The following TANC1 variants were observed in gnomAD, a reference collection of about 807,000 sequenced individuals.
The protein encoded by TANC1 is protein TANC1.
A neutral mutation model predicts 149.7 loss-of-function variants in TANC1; 77 were observed. That is an observed-to-expected ratio of 0.51 (90% CI 0.43 to 0.62). TANC1 has a LOEUF of 0.62. Among genes scored for constraint, TANC1 ranks in the 20% least tolerant of loss-of-function variants. The pLI, the probability that TANC1 is intolerant of heterozygous loss-of-function variation, is 0.00. For missense variants in TANC1, 1,985 were observed against 2,321.8 expected, an observed-to-expected ratio of 0.85 and a Z score of 2.98; for synonymous variants, 854 against 925.0, an observed-to-expected ratio of 0.92 and a Z score of 1.39.
rs1474580518 is a variant in TANC1, at chr2:159,232,453, A to C, written c.*1441A>C. 1.3e-5 allele frequency: 2 copies of C among 152,604 alleles called. No individual in the cohort carries two copies. The highest frequency in any genetic ancestry group is 2.9e-5 in the Non-Finnish European group (2 of 68,000). The allele number at this position is 152,604 out of a possible 1,614,324, so 9.5% of individuals were successfully genotyped here. A position where few individuals can be genotyped will look rare whatever the true frequency, so the allele number is the denominator to read the frequency against. On this transcript the variant is annotated 3_prime_UTR_variant, in exon 27 of 27. Coordinates refer to ENST00000263635, the MANE Select transcript of TANC1 (RefSeq NM_033394.3). ...GGTTTTGTACAAATAGGAACCTCTG[A>C]TGTCATTCTTCAACGTTTGTTCCTG...
intron 19 of TANC1, among the ~76,000 whole-genome samples, chr2:159,199,565 T>G (rs988541705): frequency 6.6e-6 from 1 of 152,244 alleles, no homozygotes; most frequent in East Asian, 1.9e-4. Context: ...TCATTTCCAT[T>G]GGTCTTTACA....
chr2:159,216,751 C>CT (rs1480599129), intron 19 of TANC1, among the ~76,000 whole-genome samples: 2 of 152,158 alleles, frequency 1.3e-5, no homozygotes, highest in African/African-American at 4.8e-5. Flanking sequence ...AGCGTGTTCA[C>CT]TTGGGCCCTC....
intron 4 of TANC1, among the ~76,000 whole-genome samples, chr2:159,135,447 C>A (rs1254453268): frequency 6.6e-6 from 1 of 152,270 alleles, no homozygotes; most frequent in African/African-American, 2.4e-5. Context: ...TGTAGTAACT[C>A]TGCACTTAAC....
chr2:158,971,826 C>G (rs1388611657), intron 1 of TANC1, among the ~76,000 whole-genome samples: 2 of 152,136 alleles, frequency 1.3e-5, no homozygotes, highest in Non-Finnish European at 2.9e-5. Context: ...TTGAATAAAC[C>G]AAGGCCTAGA....
intron 1 of TANC1, among the ~76,000 whole-genome samples, chr2:158,995,465 C>T (rs2036042924): frequency 6.6e-6 from 1 of 152,166 alleles, no homozygotes; most frequent in Non-Finnish European, 1.5e-5. Context: ...TTATCTGGTG[C>T]TAGAGGCTAA....
At chr2:159,143,112 A>G (rs377491243) in intron 5 of TANC1, among the ~76,000 whole-genome samples, 2 of 150,224 alleles carry the variant, frequency 1.3e-5, no homozygotes, top group African/African-American at 4.9e-5. Context: ...CAAAAAACCA[A>G]CTCTGACAGG....
intron 1 of TANC1, among the ~76,000 whole-genome samples, chr2:158,975,313 T>C (rs189591255): frequency 2.0e-5 from 3 of 152,238 alleles, no homozygotes; most frequent in Admixed American, 1.3e-4. Context: ...GGGGTGACTG[T>C]GCTTACTACT....
chr2:159,123,885 C>G (rs1329862061), intron 4 of TANC1, among the ~76,000 whole-genome samples: 1 of 152,146 alleles, frequency 6.6e-6, no homozygotes, highest in Non-Finnish European at 1.5e-5. Context: ...CGCCAGTCTC[C>G]CCTCGTGCCC....
chr2:159,070,714 G>A (rs1190521413), intron 3 of TANC1, among the ~76,000 whole-genome samples: 1 of 152,172 alleles, frequency 6.6e-6, no homozygotes, highest in Non-Finnish European at 1.5e-5. Context: ...CCGGAAGAGT[G>A]TGTTTGGACT....
chr2:159,068,248 C>G (rs1411360131), intron 3 of TANC1, among the ~76,000 whole-genome samples: 2 of 152,146 alleles, frequency 1.3e-5, no homozygotes, highest in Non-Finnish European at 2.9e-5. Flanking sequence ...TAAATCATAG[C>G]TAAGATTTTC....
At chr2:159,049,125 G>C (rs2149579724) in intron 2 of TANC1, among the ~76,000 whole-genome samples, 1 of 152,292 alleles carries the variant, frequency 6.6e-6, no homozygotes, top group South Asian at 2.1e-4. Flanking sequence ...TTTAGAGTGT[G>C]TCTAAGGAGA....
At chr2:158,993,513 C>T (rs1050001906) in intron 1 of TANC1, among the ~76,000 whole-genome samples, 1 of 152,042 alleles carries the variant, frequency 6.6e-6, no homozygotes, top group Non-Finnish European at 1.5e-5. Flanking sequence ...ATACCGTGCC[C>T]GCCTTTATTT....
chr2:159,072,633 A>C (rs2043253207), intron 3 of TANC1, among the ~76,000 whole-genome samples: 1 of 152,246 alleles, frequency 6.6e-6, no homozygotes, highest in Non-Finnish European at 1.5e-5. Context: ...CAAAACCCTT[A>C]AAAATATATA....
At chr2:159,044,733 G>A (rs148404567) in intron 2 of TANC1, among the ~76,000 whole-genome samples, 2 of 152,138 alleles carry the variant, frequency 1.3e-5, no homozygotes, top group South Asian at 2.1e-4. Flanking sequence ...ACACCGGCTC[G>A]CTTCTCCATG....
rs557366288 is a variant in TANC1, at chr2:159,128,784, T to TG, written c.260-7403dup. Among the ~76,000 whole-genome samples, 345 of 152,158 alleles carry TG rather than the reference T, an allele frequency of 2.3e-3. 4 individuals carry two copies. The highest frequency in any genetic ancestry group is 0.013 in the South Asian group (61 of 4,812). The stretch of plus-strand genomic sequence containing the variant: ...CCTCCCTGACCAAGCACTCTTTTGT[T>TG]GGGGGGGCAGGGGAAGAGGGGTCAA... On this transcript the variant is annotated intron_variant, in intron 4 of 26. Transcript: ENST00000263635.
chr2:159,066,084 GT>G, intron 3 of TANC1, 113 bp downstream of exon 3: 1 of 822,064 alleles, frequency 1.2e-6, no homozygotes, highest in Non-Finnish European at 2.2e-6. Context: ...GGTTACCTGG[GT>G]TAGAACAAAC....
intron 3 of TANC1, among the ~76,000 whole-genome samples, chr2:159,070,333 C>T (rs1257025691): frequency 6.6e-6 from 1 of 151,968 alleles, no homozygotes; most frequent in African/African-American, 2.4e-5. Context: ...TTTTCCCCCA[C>T]ACACGCATAG....
intron 2 of TANC1, among the ~76,000 whole-genome samples, chr2:159,052,405 A>T (rs1338414587): frequency 1.3e-5 from 2 of 152,128 alleles, no homozygotes; most frequent in Non-Finnish European, 2.9e-5. Flanking sequence ...TGTATGTGAC[A>T]TACTCGCTCC....
intron 4 of TANC1, among the ~76,000 whole-genome samples, chr2:159,122,043 TCCTCCCACCTCAG>T (rs1450825409): frequency 1.3e-5 from 2 of 152,156 alleles, no homozygotes; most frequent in African/African-American, 4.8e-5. Flanking sequence ...GTTGAAGTAA[TCCTCCCACCTCAG>T]CCTCCCAAGT....
Sources: gnomAD v4.1 joint callset for allele counts (sites outside exome capture counted in the v4.1 genomes callset) on GRCh38, gnomAD v4.1.1 for gene constraint, MANE v1.5 for transcripts, NCBI Gene and HGNC (gene_info 2026-07-23, HGNC 2026-07-21) for gene names.